NRXN1: variants seen among roughly 807,000 people sequenced by gnomAD.
NRXN1 encodes neurexin 1.
A neutral mutation model predicts 150.9 loss-of-function variants in NRXN1; 39 were observed. The ratio of observed to expected loss-of-function variants is 0.26; its 90% confidence interval spans 0.20 to 0.34. The LOEUF (loss-of-function observed/expected upper bound fraction) is 0.34, where lower values mean the gene tolerates loss of function less well. Ranked by LOEUF, NRXN1 falls within the 10% of genes least tolerant of loss-of-function variation. NRXN1 has a pLI of 1.00. For synonymous variants in NRXN1, 924 were observed against 757.0 expected (o/e 1.22, Z -3.62); for missense variants, 1,815 against 1,949.9 (o/e 0.93, Z 1.30).
chr2:50,610,770 A>G (rs1385290731), intron 8 of NRXN1, among the ~76,000 whole-genome samples: 5 of 140,444 alleles, frequency 3.6e-5, no homozygotes, highest in African/African-American at 1.4e-4. Flanking sequence ...ATATATATAT[A>G]TGTATATATA....
intron 17 of NRXN1, among the ~76,000 whole-genome samples, chr2:50,273,081 T>C (rs1247163175): frequency 1.3e-4 from 20 of 152,002 alleles, no homozygotes; most frequent in Admixed American, 1.3e-3. Context: ...AACCACCTAG[T>C]AAAGAAAGAT....
chr2:50,446,579 C>T (rs981781121), intron 17 of NRXN1, among the ~76,000 whole-genome samples: 2 of 129,026 alleles, frequency 1.6e-5, no homozygotes, highest in East Asian at 2.6e-4. Context: ...TCCTTCTTTC[C>T]TCCTTCCTTC....
chr2:50,818,993 G>A (rs1669322455), intron 5 of NRXN1, among the ~76,000 whole-genome samples: 1 of 152,082 alleles, frequency 6.6e-6, no homozygotes, highest in Non-Finnish European at 1.5e-5. Flanking sequence ...ACCGACACCT[G>A]TTACGATGGC....
At chr2:50,947,783 T>G (rs1181396005) in intron 2 of NRXN1, among the ~76,000 whole-genome samples, 1 of 152,016 alleles carries the variant, frequency 6.6e-6, no homozygotes, top group Non-Finnish European at 1.5e-5. Context: ...TTTCCCTCAT[T>G]TCCAGTGAAA....
chr2:50,668,150 ACTGCTTTCC>A, intron 5 of NRXN1, among the ~76,000 whole-genome samples: 1 of 151,980 alleles, frequency 6.6e-6, no homozygotes, highest in Non-Finnish European at 1.5e-5. Context: ...CCTCCATTTT[ACTGCTTTCC>A]AGGGTCACAC....
intron 18 of NRXN1, among the ~76,000 whole-genome samples, chr2:50,197,757 T>C (rs1462040278): frequency 6.6e-6 from 1 of 152,120 alleles, no homozygotes; most frequent in East Asian, 1.9e-4. Context: ...AATTCTCCTC[T>C]GAGATTTTCA....
intron 5 of NRXN1, among the ~76,000 whole-genome samples, chr2:50,795,035 C>T (rs771024793): frequency 6.6e-6 from 1 of 152,092 alleles, no homozygotes; most frequent in Non-Finnish European, 1.5e-5. Context: ...ATTTCCCTAC[C>T]TATCTCTGTG....
Position 50,053,651 on chromosome 2 carries a change from G to T in NRXN1, c.3809-61C>A, listed in dbSNP as rs1693132765. ...GATTGTGAACTCTATATCTACAATGGATGATAAAACAGATCTTTTATGGGG... is the reference window on the plus strand; with the variant it reads ...GATTGTGAACTCTATATCTACAATGTATGATAAAACAGATCTTTTATGGGG... On this transcript the variant is annotated intron_variant, in intron 20 of 22. Transcript: ENST00000401669. The T allele has an allele frequency of 3.3e-6, 5 of 1,526,692 alleles. No individual in the cohort carries two copies. In the Admixed American group the frequency reaches 6.7e-5, roughly 21 times the overall value. The allele number at this position is 1,526,692 out of a possible 1,614,324, so 94.6% of individuals were successfully genotyped here.
intron 2 of NRXN1, among the ~76,000 whole-genome samples, chr2:50,945,038 G>A (rs1690109845): frequency 1.3e-5 from 2 of 152,162 alleles, no homozygotes; most frequent in Admixed American, 1.3e-4. Flanking sequence ...CTCTACTTCA[G>A]ACCATGATCT....
At chr2:50,082,019 C>G (rs115854271) in intron 19 of NRXN1, among the ~76,000 whole-genome samples, 2,136 of 152,194 alleles carry the variant, frequency 0.014, 53 homozygotes, top group African/African-American at 0.049. Flanking sequence ...TTGTAAATAC[C>G]ATCTGAAGTT....
chr2:50,292,914 GT>G (rs2073105464), intron 17 of NRXN1, among the ~76,000 whole-genome samples: 1 of 152,156 alleles, frequency 6.6e-6, no homozygotes, highest in Non-Finnish European at 1.5e-5. Flanking sequence ...AAAGGGAGAA[GT>G]ACATTGCCTG....
rs1323402886 is a variant in NRXN1, at chr2:51,028,117, C to T, written c.157G>A (p.Glu53Lys). Residue 53 changes from glutamate (E) to lysine (K), a missense_variant, in exon 2 of 23, where the codon GAG becomes AAG. Glu to Lys is a moderately conservative substitution (Grantham distance 56, BLOSUM62 1). Coordinates refer to ENST00000401669, the MANE Select transcript of NRXN1 (RefSeq NM_001330078.2). ...CGAGTCTTGAGCTGGAAGCTCATCT[C>T]GCTCTCGCAGCAGGCGTTCCACTTG... ...FPKWNACCES[E>K]MSFQLKTRSA... 3.2e-6 allele frequency: 5 copies of T among 1,573,910 alleles called. No homozygotes were observed. Among genetic ancestry groups the T allele is most frequent in the African/African-American group, 1.3e-5 (1 of 74,164 alleles).
intron 17 of NRXN1, among the ~76,000 whole-genome samples, chr2:50,409,822 T>C (rs1381221136): frequency 6.6e-6 from 1 of 152,204 alleles, no homozygotes; most frequent in Non-Finnish European, 1.5e-5. Context: ...ACCTGATAGA[T>C]ATGATTAGGC....
chr2:50,865,005 C>G (rs144352013), intron 5 of NRXN1, among the ~76,000 whole-genome samples: 188 of 151,830 alleles, frequency 1.2e-3, no homozygotes, highest in African/African-American at 4.3e-3. Context: ...AAGTCTGAGT[C>G]CTACTATGAG....
chr2:50,991,194 A>G (rs1238313296), intron 2 of NRXN1, among the ~76,000 whole-genome samples: 1 of 152,014 alleles, frequency 6.6e-6, no homozygotes, highest in Non-Finnish European at 1.5e-5. Context: ...CTATTCTGAA[A>G]TGGAGAAAGC....
intron 18 of NRXN1, among the ~76,000 whole-genome samples, chr2:50,174,185 T>G (rs2060208287): frequency 6.6e-6 from 1 of 152,118 alleles, no homozygotes; most frequent in Non-Finnish European, 1.5e-5. Context: ...GTGTAAAGAA[T>G]TTTTTAAAAA....
chr2:50,689,165 T>C (rs555375695), intron 5 of NRXN1, among the ~76,000 whole-genome samples: 3 of 152,220 alleles, frequency 2.0e-5, no homozygotes, highest in Admixed American at 6.5e-5. Context: ...GTTTGTTATA[T>C]TAAAAAAACA....
In NRXN1 at chr2:50,634,557, T is replaced by C. The variant is rs1682942863; in HGVS notation, c.833-10942A>G. The stretch of plus-strand genomic sequence containing the variant: ...TATGTATATATGTTATATTTCTTCA[T>C]CTACTGCTTTTAACCATTAAGTTAC... On this transcript the variant is annotated intron_variant, in intron 5 of 22. Coordinates refer to ENST00000401669, the MANE Select transcript of NRXN1 (RefSeq NM_001330078.2). Among the ~76,000 whole-genome samples, 3 of 152,244 alleles carry C rather than the reference T, an allele frequency of 2.0e-5. No individual in the cohort carries two copies. The South Asian group carries it at 6.2e-4, about 31-fold the overall frequency.
chr2:50,770,436 T>C (rs1702877765), intron 5 of NRXN1, among the ~76,000 whole-genome samples: 1 of 152,018 alleles, frequency 6.6e-6, no homozygotes, highest in Non-Finnish European at 1.5e-5. Flanking sequence ...GTTTTCGTTG[T>C]TGTTGTTAAT....
Sources: allele counts gnomAD v4.1 joint callset (sites outside exome capture counted in the v4.1 genomes callset), GRCh38; gene constraint gnomAD v4.1.1; transcripts MANE v1.5; gene names NCBI Gene and HGNC (gene_info 2026-07-23, HGNC 2026-07-21).